SYT14: variants seen among roughly 807,000 people sequenced by gnomAD.
The protein encoded by SYT14 is synaptotagmin 14.
SYT14 carries 32 observed loss-of-function variants against 74.2 expected under a neutral mutation model. The observed-to-expected ratio is 0.43, with a 90% confidence interval of 0.33 to 0.58. The LOEUF is 0.58. Among genes scored for constraint, SYT14 ranks in the 20% least tolerant of loss-of-function variants. The pLI is 0.05. For synonymous variants in SYT14, 298 were observed against 337.7 expected, an observed-to-expected ratio of 0.88 and a Z score of 1.29; for missense variants, 791 against 981.8, an observed-to-expected ratio of 0.81 and a Z score of 2.60.
At chr1:209,988,323 A>G (rs544346303) in intron 2 of SYT14, among the ~76,000 whole-genome samples, 7 of 152,296 alleles carry the variant, frequency 4.6e-5, no homozygotes, top group African/African-American at 1.7e-4. Flanking sequence ...TCCTCTTACC[A>G]CATTCGATCA....
chr1:210,101,734 GTTAT>G, intron 7 of SYT14, among the ~76,000 whole-genome samples: 1 of 152,136 alleles, frequency 6.6e-6, no homozygotes, highest in South Asian at 2.1e-4. Flanking sequence ...ATAATCTACA[GTTAT>G]TAATATGATT....
In SYT14 at chr1:210,077,127, G is replaced by A. The variant is rs114564998; in HGVS notation, c.1313-17195G>A. On this transcript the variant is annotated intron_variant, in intron 5 of 9. Coordinates refer to ENST00000637265, the Ensembl canonical transcript of SYT14. ...CCTTACAGTTCTGCAGTTCCAATAAGCATGATGCCAGCATCTTCTCGGCTT... is the reference window on the plus strand; with the variant it reads ...CCTTACAGTTCTGCAGTTCCAATAAACATGATGCCAGCATCTTCTCGGCTT... Among the ~76,000 whole-genome samples, 486 of 151,982 alleles carry A rather than the reference G, an allele frequency of 3.2e-3. 5 individuals are homozygous for A. Among genetic ancestry groups the A allele is most frequent in the African/African-American group, 0.011 (468 of 41,456 alleles).
At chr1:210,157,247 G>A (rs182331013) in intron 8 of SYT14, among the ~76,000 whole-genome samples, 1 of 150,210 alleles carries the variant, frequency 6.7e-6, no homozygotes, top group Non-Finnish European at 1.5e-5. Flanking sequence ...TTCAAGACCA[G>A]CCTGGGCAAC....
intron 7 of SYT14, among the ~76,000 whole-genome samples, chr1:210,102,394 CT>C (rs1241527096): frequency 6.6e-6 from 1 of 152,052 alleles, no homozygotes; most frequent in Non-Finnish European, 1.5e-5. Context: ...TTTAATTGTT[CT>C]TTTTTGTCAC....
chr1:210,157,612 C>T (rs1451699221), intron 8 of SYT14, among the ~76,000 whole-genome samples: 3 of 151,372 alleles, frequency 2.0e-5, no homozygotes, highest in Non-Finnish European at 4.4e-5. Context: ...CATGGTGGCG[C>T]GTGCCTGTAA....
At chr1:210,101,260 AT>A (rs1030167467) in intron 7 of SYT14, among the ~76,000 whole-genome samples, 1 of 152,188 alleles carries the variant, frequency 6.6e-6, no homozygotes, top group Admixed American at 6.5e-5. Context: ...TATGGTTTAT[AT>A]TTATTCATCT....
At chr1:210,163,078 A>G (rs1212019548) in exon 10 of SYT14, 4 of 453,564 alleles carry the variant, frequency 8.8e-6, no homozygotes, top group African/African-American at 4.0e-5. Context: ...TGAAGCTATA[A>G]TGAACTTTTT....
At chr1:210,158,692 A>C (rs2083315828) in intron 8 of SYT14, among the ~76,000 whole-genome samples, 1 of 152,178 alleles carries the variant, frequency 6.6e-6, no homozygotes, top group African/African-American at 2.4e-5. Context: ...CCATTATTTT[A>C]CCATTAGATA....
At chr1:209,967,018 G>T (rs1236364287) in intron 2 of SYT14, among the ~76,000 whole-genome samples, 1 of 142,450 alleles carries the variant, frequency 7.0e-6, no homozygotes, top group Non-Finnish European at 1.5e-5. Flanking sequence ...CTAGTTTTCT[G>T]AAAATTTAGA....
chr1:210,052,463 G>A (rs1201234274), intron 5 of SYT14, among the ~76,000 whole-genome samples: 2 of 151,986 alleles, frequency 1.3e-5, no homozygotes, highest in African/African-American at 4.8e-5. Context: ...AGGAGTTTGA[G>A]ACAAGCCTGG....
intron 7 of SYT14, among the ~76,000 whole-genome samples, chr1:210,128,407 A>G (rs574052371): frequency 2.0e-5 from 3 of 152,140 alleles, no homozygotes; most frequent in Non-Finnish European, 4.4e-5. Context: ...GTATATATGT[A>G]GCTCTTCACT....
exon 4 of SYT14, chr1:210,015,838 T>A: frequency 8.4e-7 from 1 of 1,185,736 alleles, no homozygotes; most frequent in Non-Finnish European, 1.1e-6. Flanking sequence ...TTTCTTTCAA[T>A]GCATAATGTA....
chr1:210,012,727 A>G (rs1039399646), intron 2 of SYT14, among the ~76,000 whole-genome samples: 2 of 150,034 alleles, frequency 1.3e-5, no homozygotes, highest in Non-Finnish European at 3.0e-5. Flanking sequence ...TTTTTGAAAC[A>G]GTCTCGCTTT....
intron 2 of SYT14, among the ~76,000 whole-genome samples, chr1:209,976,512 T>C (rs1270434585): frequency 1.3e-5 from 2 of 151,900 alleles, no homozygotes; most frequent in African/African-American, 4.8e-5. Context: ...AGTTGAGCAG[T>C]TTTGAGTGAG....
chr1:210,116,547 A>G (rs11119408), intron 7 of SYT14, among the ~76,000 whole-genome samples: 21,486 of 152,154 alleles, frequency 0.14, 4,867 homozygotes, highest in African/African-American at 0.48. Context: ...GGGTTTCACC[A>G]TGTTGGCCAG....
chr1:210,111,372 G>A lies in SYT14; in HGVS notation c.2034+10911G>A, dbSNP rs113279193. ...ATGTCATCAGTTAAGGCAGGAACCG[G>A]CCATTTTCACTTCTTTTGTCATTCA... On this transcript the variant is annotated intron_variant, in intron 7 of 9. Transcript: ENST00000637265. Among the ~76,000 whole-genome samples the A allele has an allele frequency of 7.9e-3, 1,205 of 151,874 alleles. 14 individuals carry two copies. The highest frequency in any genetic ancestry group is 0.028 in the African/African-American group (1,138 of 41,160).
intron 7 of SYT14, among the ~76,000 whole-genome samples, chr1:210,104,489 T>C (rs1327430228): frequency 6.6e-6 from 1 of 152,236 alleles, no homozygotes; most frequent in Non-Finnish European, 1.5e-5. Context: ...ATGTTTTCAG[T>C]TATCCTTCCT....
exon 7 of SYT14, chr1:210,100,090 G>A (rs2082035574): frequency 1.2e-6 from 2 of 1,614,090 alleles, no homozygotes; most frequent in East Asian, 4.5e-5. Context: ...TGGCACACTG[G>A]ATGTGACTTT....
chr1:209,951,901 C>G (rs760664876), intron 1 of SYT14, among the ~76,000 whole-genome samples: 5 of 152,014 alleles, frequency 3.3e-5, no homozygotes, highest in Non-Finnish European at 5.9e-5. Context: ...CTTAACAATT[C>G]CACTTGTATA....
Sources: allele counts gnomAD v4.1 joint callset (sites outside exome capture counted in the v4.1 genomes callset), GRCh38; gene constraint gnomAD v4.1.1; transcripts MANE v1.5; gene names NCBI Gene and HGNC (gene_info 2026-07-23, HGNC 2026-07-21).